The following PCID2 variants were observed in gnomAD, a reference collection of about 807,000 sequenced individuals.
PCID2 encodes PCI domain-containing protein 2.
A neutral mutation model predicts 61.3 loss-of-function variants in PCID2; 41 were observed. That is an observed-to-expected ratio of 0.67 (90% CI 0.52 to 0.87). PCID2 has a LOEUF of 0.87. PCID2 is among the 40% of genes least tolerant of loss of function. PCID2 has a pLI of 0.00. For missense variants in PCID2, 392 were observed against 493.4 expected, an observed-to-expected ratio of 0.79 and a Z score of 1.95; for synonymous variants, 187 against 177.8, an observed-to-expected ratio of 1.05 and a Z score of -0.41.
Position 113,184,448 on chromosome 13 carries a change from T to A in PCID2, c.583A>T (p.Ile195Phe). The change falls in exon 9 of 14, where the codon ATT becomes TTT. Residue 195 changes from isoleucine (I) to phenylalanine (F), a missense_variant. Transcript: ENST00000337344. ...TCGTCTTTCAGGTTTGAGCTGTCAA[T>A]TGCTCTAATTAGGGGTTTACATAAA... ...LHLCKPLIRA[I>F]DSSNLKDDYS... is the part of the protein sequence containing the mutation. The A allele has an allele frequency of 6.3e-7, 1 of 1,591,182 alleles. No homozygotes were observed. Among genetic ancestry groups the A allele is most frequent in the Non-Finnish European group, 8.6e-7 (1 of 1,158,986 alleles).
At chr13:113,206,821 C>A (rs1172030086) in intron 1 of PCID2, among the ~76,000 whole-genome samples, 1 of 152,218 alleles carries the variant, frequency 6.6e-6, no homozygotes, top group Admixed American at 6.5e-5. Context: ...TGTAGGCATG[C>A]ACATCTCCAT....
chr13:113,183,657 C>G (rs1282857095), intron 9 of PCID2: 1 of 488,688 alleles, frequency 2.0e-6, no homozygotes, highest in Non-Finnish European at 2.7e-6. Flanking sequence ...GGACTGTGTG[C>G]TCCACAAACA....
intron 1 of PCID2, among the ~76,000 whole-genome samples, chr13:113,204,924 G>C (rs1043976201): frequency 2.0e-5 from 3 of 152,148 alleles, no homozygotes; most frequent in Non-Finnish European, 4.4e-5. Flanking sequence ...AGCACCTTCT[G>C]AGCGGCACCC....
intron 1 of PCID2, among the ~76,000 whole-genome samples, chr13:113,201,303 A>G (rs1038292768): frequency 1.3e-5 from 2 of 152,196 alleles, no homozygotes; most frequent in Admixed American, 1.3e-4. Context: ...AACTGCAGGA[A>G]AACTGTATAA....
At chr13:113,205,332 C>T (rs1304637369) in intron 1 of PCID2, among the ~76,000 whole-genome samples, 2 of 152,148 alleles carry the variant, frequency 1.3e-5, no homozygotes, top group Non-Finnish European at 1.5e-5. Flanking sequence ...TACCACTCCG[C>T]ACCCAGCAGG....
At chr13:113,168,889 C>G in the PCID2 span, among the ~76,000 whole-genome samples, 964 of 152,196 alleles carry the variant, frequency 6.3e-3, 10 homozygotes, top group African/African-American at 0.022. Context: ...CGACCACACA[C>G]AGCTAATTTT....
chr13:113,198,267 G>T lies in PCID2; in HGVS notation c.127-3C>A, dbSNP rs1459621338. On this transcript the variant is annotated splice_region_variant and splice_polypyrimidine_tract_variant and intron_variant, in intron 2 of 13. Transcript: ENST00000337344. ...CACTTCTCCTCTGGAGAGGCCATCT[G>T]ATTTTAAAAAAGAAAAATAGCAAAA... The T allele has an allele frequency of 5.0e-6, 8 of 1,584,422 alleles. No individual in the cohort carries two copies. The highest frequency in any genetic ancestry group is 6.9e-6 in the Non-Finnish European group (8 of 1,165,718).
At chr13:113,207,221 G>C (rs1001316644) in intron 1 of PCID2, among the ~76,000 whole-genome samples, 3 of 152,190 alleles carry the variant, frequency 2.0e-5, no homozygotes, top group African/African-American at 7.2e-5. Flanking sequence ...TGTTATGGTA[G>C]TTATGTACTT....
the PCID2 span, among the ~76,000 whole-genome samples, chr13:113,170,710 T>A: frequency 6.6e-6 from 1 of 152,086 alleles, no homozygotes; most frequent in South Asian, 2.1e-4. Context: ...AGCAGAAGCC[T>A]GGGCCCAGCG....
chr13:113,198,194 A>C lies in PCID2; in HGVS notation c.197T>G (p.Leu66Ter). 1 of 1,600,510 alleles carries C rather than the reference A, an allele frequency of 6.2e-7. No individual in the cohort carries two copies. Residue 66 changes from leucine (L) to a stop codon, truncating the protein, a stop_gained, in exon 3 of 14, where the codon TTA (leucine) becomes TGA (stop). Coordinates refer to ENST00000337344, the MANE Select transcript of PCID2 (RefSeq NM_001127202.4). LOFTEE classifies it high-confidence loss of function. ...TTCTTCCTCCCCAACAGATTACCTT[A>C]AATGAGCTGCAAACATTTCATCATA... ...PPYDEMFAAH[L>*]RCTYAVGNHD...
rs759857568 is a variant in PCID2 at position 113,201,137 on chromosome 13, A to C, written c.37-621T>G. Among the ~76,000 whole-genome samples the C allele has an allele frequency of 2.0e-5, 3 of 151,994 alleles. No individual in the cohort carries two copies. The South Asian group carries it at 6.2e-4, about 31-fold the overall frequency. ...CCAAAATTCAAAAAGCTTCCACTCA[A>C]CCTTAATATAAAATAAAAGGAAAAT... On this transcript the variant is annotated intron_variant, in intron 1 of 13. Transcript: ENST00000337344.
intron 2 of PCID2, 51 bp from the exon 3 acceptor site, chr13:113,198,315 G>T: frequency 9.4e-7 from 1 of 1,059,306 alleles, no homozygotes; most frequent in Non-Finnish European, 1.4e-6. Flanking sequence ...GGCACAGAAA[G>T]AATGCAACAT....
intron 9 of PCID2, 111 bp downstream of exon 9, chr13:113,184,235 A>T: frequency 1.9e-6 from 2 of 1,040,510 alleles, no homozygotes; most frequent in Non-Finnish European, 2.9e-6. Flanking sequence ...AACTTGGTCC[A>T]CATTTAAAAA....
chr13:113,184,442 T>G lies in PCID2; in HGVS notation c.589A>C (p.Ser197Arg). The G allele has an allele frequency of 6.3e-7, 1 of 1,594,806 alleles. No homozygotes were observed. Among genetic ancestry groups the G allele is most frequent in the Non-Finnish European group, 8.6e-7 (1 of 1,162,294 alleles). The change falls in exon 9 of 14, where the codon AGC (serine) becomes CGC (arginine). Residue 197 changes from serine (S) to arginine (R), a missense_variant. Physicochemically the swap from Ser to Arg is moderately radical, Grantham distance 110 (BLOSUM62 -1). Coordinates refer to ENST00000337344, the MANE Select transcript of PCID2 (RefSeq NM_001127202.4). ...LCKPLIRAID[S>R]SNLKDDYSTA... ...CTGTAATCGTCTTTCAGGTTTGAGC[T>G]GTCAATTGCTCTAATTAGGGGTTTA...
rs540238214 is a variant in PCID2, at chr13:113,178,758, C to T, written c.1110+208G>A. On this transcript the variant is annotated intron_variant, in intron 13 of 13. Transcript: ENST00000337344. ...CGACAGATACCGAGGGATGTACCGC[C>T]AGTAAAGAATATGCAAACATACAAG... 2.6e-5 allele frequency among the ~76,000 whole-genome samples: 4 copies of T among 152,198 alleles called. No individual in the cohort carries two copies. The East Asian group carries it at 7.7e-4, about 29-fold the overall frequency.
intron 9 of PCID2, among the ~76,000 whole-genome samples, chr13:113,183,361 A>T (rs1488581662): frequency 1.3e-5 from 2 of 152,208 alleles, no homozygotes; most frequent in Non-Finnish European, 2.9e-5. Flanking sequence ...AGAAGAAAAA[A>T]AATCAGTATC....
At chr13:113,185,700 C>G in intron 7 of PCID2, 140 bp from the exon 8 acceptor site, 1 of 537,948 alleles carries the variant, frequency 1.9e-6, no homozygotes, top group Non-Finnish European at 3.3e-6. Context: ...TTATTCATAT[C>G]AAGTCATATT....
intron 2 of PCID2, among the ~76,000 whole-genome samples, chr13:113,198,578 G>A (rs750550319): frequency 3.3e-5 from 5 of 152,276 alleles, no homozygotes; most frequent in Non-Finnish European, 7.4e-5. Flanking sequence ...GGTGGTACAC[G>A]CTGGTAATCC....
rs1004246255 is a variant in PCID2, at chr13:113,196,311, T to C, written c.267-89A>G. 3.8e-6 allele frequency: 4 copies of C among 1,042,070 alleles called. No homozygotes were observed. In the Admixed American group the frequency reaches 7.2e-5, roughly 19 times the overall value. 64.6% of individuals were successfully genotyped at this position (1,042,070 alleles called of 1,614,324 possible). A position where few individuals can be genotyped will look rare whatever the true frequency, so the allele number is the denominator to read the frequency against. ...GAATAAGAATCTAAATTTTAAGGAA[T>C]GTAGATCACCCTTGAGCAGATTTAT... On this transcript the variant is annotated intron_variant, in intron 4 of 13. Transcript: ENST00000337344.
Sources: allele counts gnomAD v4.1 joint callset (sites outside exome capture counted in the v4.1 genomes callset), GRCh38; gene constraint gnomAD v4.1.1; transcripts MANE v1.5; gene names NCBI Gene and HGNC (gene_info 2026-07-23, HGNC 2026-07-21).